GRIK2: variants seen among roughly 807,000 people sequenced by gnomAD.
GRIK2 encodes glutamate ionotropic receptor kainate type subunit 2, also known as glutamate receptor ionotropic, kainate 2.
In GRIK2, 32 loss-of-function variants were observed where a neutral mutation model predicts 100.3. The ratio of observed to expected loss-of-function variants is 0.32; its 90% confidence interval spans 0.24 to 0.43. GRIK2 has a LOEUF of 0.43. GRIK2 is among the 20% of genes least tolerant of loss of function. The probability of loss-of-function intolerance (pLI) is 1.00; values close to 1 mark genes in which losing one functional copy is unlikely to be tolerated. For missense variants in GRIK2, 843 were observed against 1,114.9 expected, an observed-to-expected ratio of 0.76 and a Z score of 3.47; for synonymous variants, 417 against 389.4, an observed-to-expected ratio of 1.07 and a Z score of -0.83.
chr6:101,873,766 T>C (rs1226768847), intron 11 of GRIK2, among the ~76,000 whole-genome samples: 1 of 151,940 alleles, frequency 6.6e-6, no homozygotes, highest in Non-Finnish European at 1.5e-5. Flanking sequence ...TGTTGTTTCC[T>C]GACTTTTTAA....
At chr6:101,421,140 A>G (rs1776392812) in intron 2 of GRIK2, among the ~76,000 whole-genome samples, 1 of 152,124 alleles carries the variant, frequency 6.6e-6, no homozygotes, top group African/African-American at 2.4e-5. Context: ...GCATGGGACA[A>G]CTCGGGATGT....
chr6:101,569,227 T>A (rs546437258), intron 2 of GRIK2, among the ~76,000 whole-genome samples: 1 of 152,124 alleles, frequency 6.6e-6, no homozygotes, highest in Non-Finnish European at 1.5e-5. Context: ...ACCCTACTTT[T>A]TAGTATTGAA....
intron 7 of GRIK2, among the ~76,000 whole-genome samples, chr6:101,689,655 A>G (rs1771950354): frequency 6.6e-6 from 1 of 152,122 alleles, no homozygotes; most frequent in African/African-American, 2.4e-5. Flanking sequence ...ACCAACTCAC[A>G]CAGTACTTCC....
intron 2 of GRIK2, among the ~76,000 whole-genome samples, chr6:101,521,598 T>TA (rs1453390366): frequency 2.6e-5 from 4 of 151,958 alleles, no homozygotes; most frequent in Admixed American, 2.6e-4. Context: ...TGCTAGTGTT[T>TA]ATCAGAATTT....
chr6:101,458,035 AAAAT>A lies in GRIK2; in HGVS notation c.115+58646_115+58649del, dbSNP rs1403678321. Among the ~76,000 whole-genome samples, 4 of 152,306 alleles carry A rather than the reference AAAAT, an allele frequency of 2.6e-5. No homozygotes were observed. In the East Asian group the frequency reaches 7.7e-4, roughly 29 times the overall value. Reference sequence around the variant, plus strand: ...GCCATCATTTTTAAAGACTTGTTGAAAAATAAGTATTCTCATGAAAACACACTGT... The same window carrying A: ...GCCATCATTTTTAAAGACTTGTTGAAAAGTATTCTCATGAAAACACACTGT... On this transcript the variant is annotated intron_variant, in intron 2 of 16. Transcript: ENST00000369134.
chr6:101,880,949 A>G (rs1380033843), intron 11 of GRIK2, among the ~76,000 whole-genome samples: 1 of 151,938 alleles, frequency 6.6e-6, no homozygotes, highest in Non-Finnish European at 1.5e-5. Flanking sequence ...CATTTCAGCA[A>G]CTAAAAATAA....
chr6:102,065,808 T>G, intron 16 of GRIK2: 1 of 1,523,562 alleles, frequency 6.6e-7, no homozygotes, highest in Non-Finnish European at 8.9e-7. Flanking sequence ...GAGCCAAGAC[T>G]AAGTTACCTC....
At chr6:101,461,260 G>A (rs74515296) in intron 2 of GRIK2, among the ~76,000 whole-genome samples, 5,191 of 152,220 alleles carry the variant, frequency 0.034, 130 homozygotes, top group Admixed American at 0.069. Flanking sequence ...CAGAAGTTGG[G>A]TACAGGTCTC....
chr6:102,050,426 G>A (rs1204126203), intron 15 of GRIK2, among the ~76,000 whole-genome samples: 1 of 151,958 alleles, frequency 6.6e-6, no homozygotes, highest in Non-Finnish European at 1.5e-5. Context: ...GGCCAAGGCG[G>A]GTGGATCACG....
intron 2 of GRIK2, among the ~76,000 whole-genome samples, chr6:101,594,816 T>A (rs1193721854): frequency 1.3e-5 from 2 of 151,760 alleles, no homozygotes; most frequent in Non-Finnish European, 2.9e-5. Flanking sequence ...AAAGCATGGA[T>A]GAAGGCAGAT....
intron 2 of GRIK2, among the ~76,000 whole-genome samples, chr6:101,406,104 G>A (rs1304189356): frequency 1.3e-5 from 2 of 151,998 alleles, no homozygotes; most frequent in Admixed American, 1.3e-4. Context: ...CACCCTTAAA[G>A]CAAACTATGT....
intron 14 of GRIK2, among the ~76,000 whole-genome samples, chr6:101,967,305 CATT>C (rs1210443601): frequency 6.6e-6 from 1 of 151,806 alleles, no homozygotes; most frequent in African/African-American, 2.4e-5. Flanking sequence ...TTCTTTAAAT[CATT>C]ATTAAACCAG....
chr6:101,619,867 G>A (rs1164276778), intron 2 of GRIK2, among the ~76,000 whole-genome samples: 1 of 152,090 alleles, frequency 6.6e-6, no homozygotes, highest in East Asian at 1.9e-4. Flanking sequence ...TCAGGCATGA[G>A]CAGATTCTAC....
intron 2 of GRIK2, among the ~76,000 whole-genome samples, chr6:101,453,376 C>T (rs1439118618): frequency 6.6e-6 from 1 of 151,870 alleles, no homozygotes; most frequent in Non-Finnish European, 1.5e-5. Context: ...TTGGAATTGC[C>T]AGCTTTGAGG....
At chr6:101,764,395 A>G (rs77298774) in intron 7 of GRIK2, among the ~76,000 whole-genome samples, 1,980 of 152,182 alleles carry the variant, frequency 0.013, 42 homozygotes, top group African/African-American at 0.045. Flanking sequence ...ATACACATAG[A>G]GATTATGTTT....
At chr6:101,597,012 G>A (rs1197866876) in intron 2 of GRIK2, among the ~76,000 whole-genome samples, 1 of 151,696 alleles carries the variant, frequency 6.6e-6, no homozygotes, top group Non-Finnish European at 1.5e-5. Flanking sequence ...ATGGTAGATT[G>A]GATAAAGAAA....
At chr6:101,404,164 G>A (rs1401004595) in intron 2 of GRIK2, among the ~76,000 whole-genome samples, 1 of 152,070 alleles carries the variant, frequency 6.6e-6, no homozygotes, top group Admixed American at 6.5e-5. Context: ...TTTGCTTTTT[G>A]GTTTAATGCA....
chr6:101,514,479 A>G (rs1251385220), intron 2 of GRIK2, among the ~76,000 whole-genome samples: 1 of 152,132 alleles, frequency 6.6e-6, no homozygotes, highest in East Asian at 1.9e-4. Context: ...CTTAAATATT[A>G]TTTTTTAAAG....
chr6:101,718,192 T>C (rs1774202680), intron 7 of GRIK2, among the ~76,000 whole-genome samples: 1 of 151,836 alleles, frequency 6.6e-6, no homozygotes, highest in African/African-American at 2.4e-5. Flanking sequence ...GCAATTTCAC[T>C]TATCTTATTC....
Sources: allele counts gnomAD v4.1 joint callset (sites outside exome capture counted in the v4.1 genomes callset), GRCh38; gene constraint gnomAD v4.1.1; transcripts MANE v1.5; gene names NCBI Gene and HGNC (gene_info 2026-07-23, HGNC 2026-07-21).